The following GREB1 variants were observed in gnomAD, a reference collection of about 807,000 sequenced individuals.
GREB1 encodes growth regulating estrogen receptor binding 1.
A neutral mutation model predicts 200.7 loss-of-function variants in GREB1; 106 were observed. The ratio of observed to expected loss-of-function variants is 0.53; its 90% CI spans 0.45 to 0.62. GREB1 has a LOEUF of 0.62. Among genes scored for constraint, GREB1 ranks in the 20% least tolerant of loss-of-function variants. The pLI is 0.00. For synonymous variants in GREB1, 1,132 were observed against 1,092.4 expected (o/e 1.04, Z -0.72); for missense variants, 2,243 against 2,556.8 (o/e 0.88, Z 2.65).
At chr2:11,591,336 C>T in intron 10 of GREB1, 3 of 724,410 alleles carry the variant, frequency 4.1e-6, no homozygotes, top group East Asian at 5.2e-5. Context: ...ACAGCTGGTG[C>T]TGGGTAGAGC....
At chr2:11,622,244 C>A (rs56335861) in intron 23 of GREB1, among the ~76,000 whole-genome samples, 6,907 of 152,208 alleles carry the variant, frequency 0.045, 207 homozygotes, top group Non-Finnish European at 0.065. Flanking sequence ...CCACGCCTGG[C>A]TAATTTTTGT....
At chr2:11,624,129 G>A (rs548759911) in intron 23 of GREB1, among the ~76,000 whole-genome samples, 3 of 152,054 alleles carry the variant, frequency 2.0e-5, no homozygotes, top group African/African-American at 4.8e-5. Context: ...TTTATAAATC[G>A]AGTGTATCCT....
At position 11,636,152 on chromosome 2, in the gene GREB1, C is replaced by T. The variant is rs117567658; in HGVS notation, c.5346+747C>T. Among the ~76,000 whole-genome samples, 339 of 152,320 alleles carry T rather than the reference C, an allele frequency of 2.2e-3. 4 individuals carry two copies. The highest frequency in any genetic ancestry group is 0.021 in the East Asian group (106 of 5,168). On this transcript the variant is annotated intron_variant, in intron 30 of 32. Coordinates refer to ENST00000381486, the MANE Select transcript of GREB1 (RefSeq NM_014668.4). The stretch of plus-strand genomic sequence containing the variant: ...CCAGAGTCAGGGATTGCCCCTTTTC[C>T]GGGAGTTGGGGGCCTCTCCTCATTG...
chr2:11,568,622 G>A (rs1303504043), intron 4 of GREB1, among the ~76,000 whole-genome samples: 1 of 152,258 alleles, frequency 6.6e-6, no homozygotes, highest in African/African-American at 2.4e-5. Flanking sequence ...CGTTTGATCT[G>A]GCGGTGGCCG....
chr2:11,605,074 G>T (rs1429506449), intron 17 of GREB1, among the ~76,000 whole-genome samples: 1 of 146,200 alleles, frequency 6.8e-6, no homozygotes, highest in Non-Finnish European at 1.5e-5. Context: ...TCTCTGCTGA[G>T]CCACAGCTAG....
At chr2:11,590,047 G>A (rs1011367976) in intron 10 of GREB1, among the ~76,000 whole-genome samples, 2 of 152,136 alleles carry the variant, frequency 1.3e-5, no homozygotes, top group African/African-American at 4.8e-5. Context: ...GGGTGGCTAC[G>A]AGGAGAGGAA....
chr2:11,513,352 T>G (rs1436642132), intron 1 of GREB1, among the ~76,000 whole-genome samples: 1 of 152,078 alleles, frequency 6.6e-6, no homozygotes, highest in Non-Finnish European at 1.5e-5. Context: ...AATCCCAGAA[T>G]CAAAGGATGG....
At chr2:11,509,748 A>T (rs902192919) in intron 1 of GREB1, among the ~76,000 whole-genome samples, 2 of 152,190 alleles carry the variant, frequency 1.3e-5, no homozygotes, top group African/African-American at 4.8e-5. Context: ...CCACCATGTG[A>T]GGATGCAGTG....
intron 31 of GREB1, 58 bp downstream of exon 31, chr2:11,637,974 T>C (rs151001774): frequency 1.4e-6 from 2 of 1,418,206 alleles, no homozygotes; most frequent in East Asian, 2.3e-5. Context: ...CTAGAACCAA[T>C]GGGCTGGAAT....
At chr2:11,623,528 A>G (rs1684176068) in intron 23 of GREB1, among the ~76,000 whole-genome samples, 2 of 152,176 alleles carry the variant, frequency 1.3e-5, no homozygotes, top group Non-Finnish European at 2.9e-5. Context: ...GAAGACAGTG[A>G]TATTGATGAT....
intron 1 of GREB1, among the ~76,000 whole-genome samples, chr2:11,541,467 A>G (rs917917918): frequency 2.0e-5 from 3 of 151,970 alleles, no homozygotes; most frequent in Non-Finnish European, 4.4e-5. Context: ...GGGGATCGGA[A>G]CACTTGGCAT....
chr2:11,628,951 C>T (rs1684670167), intron 25 of GREB1, among the ~76,000 whole-genome samples: 1 of 152,206 alleles, frequency 6.6e-6, no homozygotes, highest in African/African-American at 2.4e-5. Context: ...CCTGGCTGCC[C>T]TCTCCATGTG....
At chr2:11,599,029 A>C (rs953114376) in intron 15 of GREB1, among the ~76,000 whole-genome samples, 169 bp downstream of exon 15, 1 of 152,176 alleles carries the variant, frequency 6.6e-6, no homozygotes, top group African/African-American at 2.4e-5. Context: ...GCTGGAAGTT[A>C]TCTCAGGGAT....
intron 21 of GREB1, among the ~76,000 whole-genome samples, chr2:11,617,680 T>C (rs563280258): frequency 6.6e-6 from 1 of 152,248 alleles, no homozygotes; most frequent in South Asian, 2.1e-4. Context: ...GTGCAGGGCC[T>C]GGGTGCGGGG....
At chr2:11,545,067 G>A (rs559643855) in intron 1 of GREB1, among the ~76,000 whole-genome samples, 76 of 151,210 alleles carry the variant, frequency 5.0e-4, no homozygotes, top group African/African-American at 1.7e-3. Context: ...CACTCGCCTC[G>A]GCCTCACAAA....
intron 4 of GREB1, among the ~76,000 whole-genome samples, chr2:11,569,018 G>C (rs1047048371): frequency 6.6e-6 from 1 of 152,164 alleles, no homozygotes; most frequent in Non-Finnish European, 1.5e-5. Context: ...TAAAATACAG[G>C]CTGGGTAATA....
intron 8 of GREB1, 134 bp from the exon 9 acceptor site, chr2:11,585,628 T>C (rs988670666): frequency 1.1e-6 from 1 of 897,806 alleles, no homozygotes; most frequent in Admixed American, 2.2e-5. Flanking sequence ...AATCTGTGAC[T>C]CTAAGAGTTT....
At chr2:11,489,384 C>T (rs1053879574) in intron 1 of GREB1, among the ~76,000 whole-genome samples, 5 of 152,032 alleles carry the variant, frequency 3.3e-5, no homozygotes, top group South Asian at 2.1e-4. Context: ...GCTTAAACCC[C>T]GGGGATGGAG....
At chr2:11,609,238 A>AT (rs1553374295) in intron 17 of GREB1, among the ~76,000 whole-genome samples, 7 of 134,984 alleles carry the variant, frequency 5.2e-5, no homozygotes, top group East Asian at 4.3e-4. Context: ...CCTGGGCATT[A>AT]TTATTTTATT....
Sources: allele counts gnomAD v4.1 joint callset (sites outside exome capture counted in the v4.1 genomes callset), GRCh38; gene constraint gnomAD v4.1.1; transcripts MANE v1.5; gene names NCBI Gene and HGNC (gene_info 2026-07-23, HGNC 2026-07-21).